The following NADK2 variants were observed in gnomAD, a reference collection of about 807,000 sequenced individuals.
The protein encoded by NADK2 is NAD kinase domain-containing protein 1, mitochondrial.
Under a neutral mutation model 62.1 loss-of-function variants are expected in NADK2, and 35 were observed. That is an observed-to-expected ratio of 0.56 (90% CI 0.43 to 0.75). The LOEUF (loss-of-function observed/expected upper bound fraction) is 0.75, where lower values mean the gene tolerates loss of function less well. Ranked by LOEUF, NADK2 falls within the 30% of genes least tolerant of loss-of-function variation. The probability of loss-of-function intolerance (pLI) is 0.00; values close to 1 mark genes in which losing one functional copy is unlikely to be tolerated. For synonymous variants in NADK2, 205 were observed against 207.9 expected (o/e 0.99, Z 0.12); for missense variants, 439 against 561.3 (o/e 0.78, Z 2.20).
At chr5:36,197,124 T>A (rs963017838) in intron 11 of NADK2, among the ~76,000 whole-genome samples, 1 of 152,058 alleles carries the variant, frequency 6.6e-6, no homozygotes, top group Non-Finnish European at 1.5e-5. Flanking sequence ...AGGGAAAACC[T>A]AGAAGAAATG....
intron 11 of NADK2, among the ~76,000 whole-genome samples, 154 bp downstream of exon 11, chr5:36,197,387 G>A (rs1328769915): frequency 6.6e-6 from 1 of 152,056 alleles, no homozygotes; most frequent in Non-Finnish European, 1.5e-5. Context: ...AGCCGGGTTA[G>A]CATGATACCT....
At position 36,195,512 on chromosome 5, in the gene NADK2, AC is replaced by A. The variant is rs142157777; in HGVS notation, c.1191-231del. Reference sequence around the variant, plus strand: ...TTAGCAGTAAAGAAGTGCAGACCTGACTGAACTCACAGGCTGTTTTCATATG... The same window carrying A: ...TTAGCAGTAAAGAAGTGCAGACCTGATGAACTCACAGGCTGTTTTCATATG... On this transcript the variant is annotated intron_variant, in intron 11 of 11. Coordinates refer to ENST00000381937, the MANE Select transcript of NADK2 (RefSeq NM_001085411.3). 9.6e-3 allele frequency among the ~76,000 whole-genome samples: 1,466 copies of A among 152,320 alleles called. 15 individuals are homozygous for A. The highest frequency in any genetic ancestry group is 0.033 in the African/African-American group (1,381 of 41,572).
intron 8 of NADK2, among the ~76,000 whole-genome samples, chr5:36,206,461 A>T (rs1191278754): frequency 7.9e-5 from 12 of 151,960 alleles, no homozygotes; most frequent in Admixed American, 6.6e-5. Flanking sequence ...AGACTTCAGA[A>T]GTACAATTAA....
chr5:36,230,122 T>C (rs989386483), intron 1 of NADK2, among the ~76,000 whole-genome samples: 1 of 152,080 alleles, frequency 6.6e-6, no homozygotes, highest in Non-Finnish European at 1.5e-5. Flanking sequence ...AGCATGTCTC[T>C]TCCTCAGCTT....
intron 3 of NADK2, among the ~76,000 whole-genome samples, chr5:36,225,899 C>T (rs1284126126): frequency 2.6e-5 from 4 of 152,198 alleles, no homozygotes. Flanking sequence ...ATACTAGTAG[C>T]ACCCCACAGT....
At chr5:36,197,887 C>CA (rs764101610) in intron 10 of NADK2, among the ~76,000 whole-genome samples, 2 of 151,744 alleles carry the variant, frequency 1.3e-5, no homozygotes, top group Non-Finnish European at 2.9e-5. Context: ...ATACATCACC[C>CA]ACAATACAGT....
intron 1 of NADK2, among the ~76,000 whole-genome samples, chr5:36,232,052 T>C (rs1463551158): frequency 6.6e-6 from 1 of 152,090 alleles, no homozygotes; most frequent in Non-Finnish European, 1.5e-5. Flanking sequence ...CTACAGAATC[T>C]CCGAAAGCCA....
At chr5:36,234,367 C>T (rs1747821593) in intron 1 of NADK2, among the ~76,000 whole-genome samples, 7 of 110,048 alleles carry the variant, frequency 6.4e-5, no homozygotes, top group South Asian at 3.6e-4. Flanking sequence ...AGCGAAACTC[C>T]GTCTCAAAAA....
chr5:36,210,510 G>A (rs753835820), intron 7 of NADK2, among the ~76,000 whole-genome samples: 4 of 151,908 alleles, frequency 2.6e-5, no homozygotes, highest in Non-Finnish European at 5.9e-5. Flanking sequence ...ATCACCTATG[G>A]AGCATTTGTG....
chr5:36,207,415 A>C, intron 7 of NADK2, 150 bp from the exon 8 acceptor site: 1 of 508,964 alleles, frequency 2.0e-6, no homozygotes, highest in South Asian at 3.7e-5. Context: ...GCTAATTCCA[A>C]TACTGATTAA....
intron 1 of NADK2, among the ~76,000 whole-genome samples, chr5:36,234,453 C>G (rs894059701): frequency 6.7e-6 from 1 of 149,608 alleles, no homozygotes; most frequent in Non-Finnish European, 1.5e-5. Flanking sequence ...ATAAGAGAAG[C>G]AAATTTCTAA....
At chr5:36,211,559 A>AC (rs1489872814) in intron 7 of NADK2, among the ~76,000 whole-genome samples, 3 of 151,640 alleles carry the variant, frequency 2.0e-5, no homozygotes, top group Non-Finnish European at 2.9e-5. Flanking sequence ...AGTCTCAAAA[A>AC]AAAAAAATAA....
chr5:36,219,293 C>T (rs1404569630), intron 5 of NADK2, among the ~76,000 whole-genome samples: 1 of 152,152 alleles, frequency 6.6e-6, no homozygotes, highest in African/African-American at 2.4e-5. Context: ...TCACTGGAAC[C>T]TCTACCTCCT....
At chr5:36,224,876 T>TGGTCTTTTTATTAAGATA (rs939534127) in intron 4 of NADK2, among the ~76,000 whole-genome samples, 2 of 152,176 alleles carry the variant, frequency 1.3e-5, no homozygotes, top group Non-Finnish European at 2.9e-5. Flanking sequence ...GTGTTTTTAT[T>TGGTCTTTTTATTAAGATA]GGTCTTTTTA....
At chr5:36,198,562 A>C (rs533630670) in intron 10 of NADK2, among the ~76,000 whole-genome samples, 171 of 149,176 alleles carry the variant, frequency 1.1e-3, no homozygotes, top group African/African-American at 3.9e-3. Context: ...TGTTTACTAA[A>C]AGAAGAAAGT....
At chr5:36,225,020 G>A (rs1442960639) in intron 4 of NADK2, among the ~76,000 whole-genome samples, 1 of 152,068 alleles carries the variant, frequency 6.6e-6, no homozygotes, top group Non-Finnish European at 1.5e-5. Context: ...TCCCTCCTCA[G>A]CAATACCAAA....
At chr5:36,203,754 A>T (rs182391424) in intron 8 of NADK2, among the ~76,000 whole-genome samples, 20 of 152,224 alleles carry the variant, frequency 1.3e-4, no homozygotes, top group African/African-American at 4.6e-4. Context: ...TTGAACTATC[A>T]AAATCTATCA....
chr5:36,205,351 T>C lies in NADK2; in HGVS notation c.956+1819A>G, dbSNP rs944727423. 6.6e-6 allele frequency among the ~76,000 whole-genome samples: 1 copy of C among 151,916 alleles called. No homozygotes were observed. Among genetic ancestry groups the C allele is most frequent in the Non-Finnish European group, 1.5e-5 (1 of 67,956 alleles). On this transcript the variant is annotated intron_variant, in intron 8 of 11. Coordinates refer to ENST00000381937, the MANE Select transcript of NADK2 (RefSeq NM_001085411.3). The surrounding 1 kb of genome is among the most constrained non-coding windows in gnomAD (Gnocchi z 4.1). ...ATTTCAAGACTGGATTTTCAGACAG[T>C]GGATAGAAAGTGGAGTGTTCAGGCA...
At chr5:36,232,860 G>T (rs938577058) in intron 1 of NADK2, among the ~76,000 whole-genome samples, 1 of 152,094 alleles carries the variant, frequency 6.6e-6, no homozygotes, top group South Asian at 2.1e-4. Flanking sequence ...CACGTCTCTT[G>T]ATCTACAGCC....
Sources: gnomAD v4.1 joint callset for allele counts (sites outside exome capture counted in the v4.1 genomes callset) on GRCh38, gnomAD v4.1.1 for gene constraint, Gnocchi (gnomAD v3.1) non-coding constraint, MANE v1.5 for transcripts, NCBI Gene and HGNC (gene_info 2026-07-23, HGNC 2026-07-21) for gene names.